RTEL1: variants seen among roughly 807,000 people sequenced by gnomAD.
RTEL1 encodes regulator of telomere elongation helicase 1, also known as regulator of telomere length.
RTEL1 carries 86 observed loss-of-function variants against 162.2 expected under a neutral mutation model. That is an observed-to-expected ratio of 0.53 (90% confidence interval 0.45 to 0.63). The LOEUF is 0.63. Among genes scored for constraint, RTEL1 ranks in the 30% least tolerant of loss-of-function variants. The pLI is 0.00. For synonymous variants in RTEL1, 958 were observed against 717.9 expected (o/e 1.33, Z -5.35); for missense variants, 1,941 against 1,750.2 (o/e 1.11, Z -1.95).
intron 14 of RTEL1, chr20:63,681,462 A>T (rs1283447106): frequency 1.0e-6 from 1 of 984,984 alleles, no homozygotes; most frequent in Non-Finnish European, 1.2e-6. Context: ...CCCACGCTGT[A>T]CCTGCTGGCC....
At position 63,659,216 on chromosome 20, in the gene RTEL1, C is replaced by T. The variant is rs1446499300; in HGVS notation, c.-170-17C>T. The stretch of plus-strand genomic sequence containing the variant: ...CACAAAGGCTGTCTACAAACAGAGT[C>T]TTACTGTCTTTCCCAGGTCTGTGCC... On this transcript the variant is annotated splice_polypyrimidine_tract_variant and intron_variant, in intron 1 of 34. Transcript: ENST00000360203. The T allele has an allele frequency of 9.8e-6, 6 of 614,524 alleles. No homozygotes were observed. The highest frequency in any genetic ancestry group is 1.8e-5 in the African/African-American group (1 of 54,788). The allele number at this position is 614,524 out of a possible 1,614,324, so 38.1% of individuals were successfully genotyped here.
Position 63,689,083 on chromosome 20 carries a change from C to T in RTEL1, c.1829C>T (p.Ala610Val), listed in dbSNP as rs866602055. The part of the protein sequence containing the change: ...ETISAYYARV[A>V]APGSTGATFL... ...ATCAGTGCTTACTATGCAAGGGTTG[C>T]CGCCCCTGGGTCCACCGGCGCCACC... The change falls in exon 22 of 35, where the codon GCC (alanine) becomes GTC (valine). Residue 610 changes from alanine to valine, a missense_variant. By Grantham distance (64) the Ala-to-Val change is moderately conservative (BLOSUM62 0). Transcript: ENST00000360203. 1.2e-6 allele frequency: 2 copies of T among 1,610,890 alleles called. No individual in the cohort carries two copies.
intron 14 of RTEL1, chr20:63,682,140 TCTC>T (rs1418428281): frequency 6.1e-6 from 6 of 985,182 alleles, no homozygotes; most frequent in Non-Finnish European, 7.2e-6. Flanking sequence ...TATGGAGAAG[TCTC>T]CTCCACACTA....
At position 63,659,259 on chromosome 20, in the gene RTEL1, G is replaced by A; in HGVS notation, c.-144G>A. 1 of 666,768 alleles carries A rather than the reference G, an allele frequency of 1.5e-6. No individual in the cohort carries two copies. Among genetic ancestry groups the A allele is most frequent in the African/African-American group, 1.8e-5 (1 of 56,806 alleles). 41.3% of individuals were successfully genotyped at this position (666,768 alleles called of 1,614,324 possible). ...TCTGTGCCATAGGGATTCTCGAAGAGAACAGCGTTGTGTCCCAGTGCACAT... is the reference window on the plus strand; with the variant it reads ...TCTGTGCCATAGGGATTCTCGAAGAAAACAGCGTTGTGTCCCAGTGCACAT... On this transcript the variant is annotated 5_prime_UTR_variant, in exon 2 of 35. Transcript: ENST00000360203.
At chr20:63,688,083 G>C (rs760069138) in intron 18 of RTEL1, 33 bp downstream of exon 18, 1 of 1,611,936 alleles carries the variant, frequency 6.2e-7, no homozygotes. Context: ...TGCTGGGGTG[G>C]GAGGTGGGGG....
intron 10 of RTEL1, among the ~76,000 whole-genome samples, chr20:63,677,403 T>C (rs1423735010): frequency 6.6e-6 from 1 of 152,104 alleles, no homozygotes; most frequent in East Asian, 1.9e-4. Flanking sequence ...TCACCTGAGG[T>C]CAGGAGTTTA....
intron 14 of RTEL1, 83 bp from the exon 15 acceptor site, chr20:63,685,440 G>C: frequency 7.1e-7 from 1 of 1,408,960 alleles, no homozygotes. Context: ...GGTGTCCTGT[G>C]ACCTTCTGTG....
Position 63,692,838 on chromosome 20 carries a change from G to A in RTEL1, c.2686G>A (p.Ala896Thr), listed in dbSNP as rs769828971. 5 of 1,612,580 alleles carry A rather than the reference G, an allele frequency of 3.1e-6. No homozygotes were observed. The highest frequency in any genetic ancestry group is 1.7e-5 in the Admixed American group (1 of 60,014). The part of the protein sequence containing the change: ...EPVAGAQTDR[A>T]KLFMVAVKQE... Reference sequence around the variant, plus strand: ...CGTGGCTGGTGCACAGACGGACAGGGCCAAGCTCTTCATGGTGGCCGTGAA... The same window carrying A: ...CGTGGCTGGTGCACAGACGGACAGGACCAAGCTCTTCATGGTGGCCGTGAA... The change falls in exon 29 of 35, where the codon GCC (alanine) becomes ACC (threonine). Residue 896 changes from alanine (A) to threonine (T), a missense_variant. Transcript: ENST00000360203.
chr20:63,687,820 C>A, intron 17 of RTEL1, 50 bp downstream of exon 17: 1 of 1,554,812 alleles, frequency 6.4e-7, no homozygotes. Context: ...CCTCTGACAT[C>A]AGCGGGGTGG....
At chr20:63,695,716 G>C (rs1258429099) in intron 34 of RTEL1, 62 bp from the exon 35 acceptor site, 2 of 1,603,684 alleles carry the variant, frequency 1.2e-6, no homozygotes, top group Non-Finnish European at 1.7e-6. Flanking sequence ...GGGGGAAAGG[G>C]CAGGCCCTTG....
At chr20:63,671,050 CTGTTTTTTGTGTTTT>C (rs1035591204) in intron 8 of RTEL1, among the ~76,000 whole-genome samples, 1 of 152,102 alleles carries the variant, frequency 6.6e-6, no homozygotes, top group Non-Finnish European at 1.5e-5. Flanking sequence ...GGAGGACCTA[CTGTTTTTTGTGTTTT>C]TGTTTTTTGT....
At chr20:63,670,636 A>G (rs1030068670) in intron 8 of RTEL1, among the ~76,000 whole-genome samples, 12 of 152,278 alleles carry the variant, frequency 7.9e-5, no homozygotes, top group Admixed American at 5.9e-4. Flanking sequence ...TTGTGTAGCC[A>G]CTCCACAAAC....
rs2146193321 is a variant in RTEL1, at chr20:63,672,587, G to A, written c.731G>A (p.Gly244Glu). ...SRRAHNIDLK[G>E]TVVIFDEAHN... Reference sequence around the variant, plus strand: ...AGAGCACACAACATTGACCTGAAGGGGACAGTCGTGATCTTTGACGAAGCT... The same window carrying A: ...AGAGCACACAACATTGACCTGAAGGAGACAGTCGTGATCTTTGACGAAGCT... The change falls in exon 9 of 35, where the codon GGG becomes GAG. Residue 244 changes from glycine to glutamate, a missense_variant. Physicochemically the swap from Gly to Glu is moderately conservative, Grantham distance 98 (BLOSUM62 -2). Coordinates refer to ENST00000360203, the MANE Select transcript of RTEL1 (RefSeq NM_001283009.2). 1 of 1,587,420 alleles carries A rather than the reference G, an allele frequency of 6.3e-7. No individual in the cohort carries two copies. The highest frequency in any genetic ancestry group is 8.6e-7 in the Non-Finnish European group (1 of 1,164,870).
intron 28 of RTEL1, 100 bp from the exon 29 acceptor site, chr20:63,692,705 C>T: frequency 8.4e-7 from 1 of 1,185,792 alleles, no homozygotes; most frequent in Non-Finnish European, 1.2e-6. Flanking sequence ...TCGGCAGTCA[C>T]TGTCCCAGGG....
In RTEL1 at chr20:63,690,450, G is replaced by A. The variant is rs980022075; in HGVS notation, c.2413+9G>A. ...GAAGCAGAGGTCCTCAGGTGCGGAC[G>A]GGCAGCGCTGGGTGGGCGGTGTGGG... On this transcript the variant is annotated intron_variant, in intron 26 of 34. Transcript: ENST00000360203. 1.4e-5 allele frequency: 22 copies of A among 1,566,120 alleles called. No individual in the cohort carries two copies. The highest frequency in any genetic ancestry group is 6.8e-5 in the African/African-American group (5 of 73,488).
intron 26 of RTEL1, among the ~76,000 whole-genome samples, 155 bp from the exon 27 acceptor site, chr20:63,690,649 GC>G (rs1429614692): frequency 2.0e-5 from 3 of 152,072 alleles, no homozygotes; most frequent in Non-Finnish European, 4.4e-5. Flanking sequence ...AGGCAAGGAT[GC>G]CCCCCGAGGC....
At chr20:63,658,727 C>G (rs546318719) in intron 1 of RTEL1, 1 of 152,918 alleles carries the variant, frequency 6.5e-6, no homozygotes, top group African/African-American at 2.4e-5. Context: ...AGTCCCAGTT[C>G]CCGGGCGGGA....
intron 13 of RTEL1, among the ~76,000 whole-genome samples, chr20:63,680,227 G>T (rs962204954): frequency 7.9e-5 from 12 of 152,238 alleles, no homozygotes; most frequent in Non-Finnish European, 1.8e-4. Context: ...GGCTTGTGGG[G>T]CCTCTGGCTT....
At chr20:63,669,541 C>T (rs1401306930) in intron 8 of RTEL1, among the ~76,000 whole-genome samples, 1 of 152,228 alleles carries the variant, frequency 6.6e-6, no homozygotes, top group African/African-American at 2.4e-5. Context: ...TTTTTCAGCC[C>T]TCCTCTGATT....
Sources: gnomAD v4.1 joint callset for allele counts (sites outside exome capture counted in the v4.1 genomes callset) on GRCh38, gnomAD v4.1.1 for gene constraint, MANE v1.5 for transcripts, NCBI Gene and HGNC (gene_info 2026-07-23, HGNC 2026-07-21) for gene names.